The following ADGRL2 variants were observed in gnomAD, a reference collection of about 807,000 sequenced individuals.
The protein encoded by ADGRL2 is calcium-independent alpha-latrotoxin receptor 2.
ADGRL2 carries 44 observed loss-of-function variants against 157.4 expected under a neutral mutation model. The ratio of observed to expected loss-of-function variants is 0.28; its 90% CI spans 0.22 to 0.36. The LOEUF (loss-of-function observed/expected upper bound fraction) is 0.36, where lower values mean the gene tolerates loss of function less well. Among genes scored for constraint, ADGRL2 ranks in the 10% least tolerant of loss-of-function variants. ADGRL2 has a pLI of 1.00. For missense variants in ADGRL2, 1,510 were observed against 1,768.9 expected (o/e 0.85, Z 2.63); for synonymous variants, 585 against 624.7 (o/e 0.94, Z 0.95).
At chr1:81,432,126 A>G (rs2077333001) in intron 1 of ADGRL2, among the ~76,000 whole-genome samples, 1 of 152,240 alleles carries the variant, frequency 6.6e-6, no homozygotes, top group Non-Finnish European at 1.5e-5. Flanking sequence ...CAAGCCACAG[A>G]GATGCTAATC....
At chr1:81,403,582 A>G (rs2076800522) in intron 1 of ADGRL2, among the ~76,000 whole-genome samples, 1 of 151,774 alleles carries the variant, frequency 6.6e-6, no homozygotes, top group Non-Finnish European at 1.5e-5. Context: ...CTTTTTCTTT[A>G]ATGAGTGTAC....
At chr1:81,917,819 A>C (rs1300837142) in intron 3 of ADGRL2, among the ~76,000 whole-genome samples, 2 of 146,692 alleles carry the variant, frequency 1.4e-5, no homozygotes, top group Non-Finnish European at 3.1e-5. Context: ...AATTTGTGGA[A>C]ATCTTACTCT....
At chr1:81,706,397 A>G (rs997585153) in intron 1 of ADGRL2, among the ~76,000 whole-genome samples, 3 of 152,034 alleles carry the variant, frequency 2.0e-5, no homozygotes, top group African/African-American at 4.8e-5. Flanking sequence ...AAAATAGGAA[A>G]CATAGGAGGG....
chr1:81,427,557 A>G (rs2077241410), intron 1 of ADGRL2: 1 of 743,674 alleles, frequency 1.3e-6, no homozygotes, highest in African/African-American at 1.7e-5. Flanking sequence ...CATCCCTATG[A>G]TGGTGGTTAT....
At chr1:81,451,203 G>A (rs1271726005) in intron 2 of ADGRL2, among the ~76,000 whole-genome samples, 1 of 152,000 alleles carries the variant, frequency 6.6e-6, no homozygotes, top group African/African-American at 2.4e-5. Flanking sequence ...CTGAAGTTCT[G>A]ATTTTGCTCA....
At chr1:81,816,534 A>G (rs900562798) in intron 1 of ADGRL2, among the ~76,000 whole-genome samples, 2 of 151,884 alleles carry the variant, frequency 1.3e-5, no homozygotes, top group African/African-American at 4.8e-5. Context: ...CATGCAAACT[A>G]TTTGATCTCC....
rs558747588 is a variant in ADGRL2, at chr1:81,864,408, G to A, written c.73+27351G>A. Among the ~76,000 whole-genome samples, 69 of 152,216 alleles carry A rather than the reference G, an allele frequency of 4.5e-4. 1 individual carries two copies. The South Asian group carries it at 0.013, about 29-fold the overall frequency. On this transcript the variant is annotated intron_variant, in intron 2 of 23. Transcript: ENST00000686636. ...TTCTACAACATTGAAACAGTGTCTA[G>A]AAGAATCCTTTCCCCACCCCCAAAT... is the stretch of plus-strand genomic sequence containing the variant.
chr1:81,318,518 A>C (rs908191321), intron 1 of ADGRL2, among the ~76,000 whole-genome samples: 2 of 152,190 alleles, frequency 1.3e-5, no homozygotes, highest in African/African-American at 4.8e-5. Flanking sequence ...TCATAGACAA[A>C]TGAAATGATA....
chr1:81,527,620 G>C (rs1019717877), intron 2 of ADGRL2, among the ~76,000 whole-genome samples: 1 of 152,124 alleles, frequency 6.6e-6, no homozygotes, highest in African/African-American at 2.4e-5. Context: ...GCTGAGACGG[G>C]AGAATCACTT....
rs565495743 is a variant in ADGRL2, at chr1:81,468,490, C to A, written c.-248+23401C>A. 3.0e-4 allele frequency among the ~76,000 whole-genome samples: 46 copies of A among 152,222 alleles called. 1 individual carries two copies. The South Asian group carries it at 9.5e-3, about 32-fold the overall frequency. On this transcript the variant is annotated intron_variant, in intron 2 of 24. Transcript: ENST00000370721. The stretch of plus-strand genomic sequence containing the variant: ...AGAATTTTTAAATAAAAGTTGATTT[C>A]TTATGGAAAAGAAGTTTTCTGTGAC...
intron 1 of ADGRL2, among the ~76,000 whole-genome samples, chr1:81,417,454 T>A (rs991604938): frequency 6.6e-6 from 1 of 152,184 alleles, no homozygotes; most frequent in African/African-American, 2.4e-5. Context: ...GAGTTTTTCA[T>A]GATTTTAGAG....
chr1:81,617,434 A>G (rs2081683257), intron 3 of ADGRL2, among the ~76,000 whole-genome samples: 1 of 152,194 alleles, frequency 6.6e-6, no homozygotes, highest in Non-Finnish European at 1.5e-5. Context: ...CGACTCTTGG[A>G]AAAATAGCAG....
chr1:81,347,254 A>T (rs1254397144), intron 1 of ADGRL2, among the ~76,000 whole-genome samples: 1 of 152,078 alleles, frequency 6.6e-6, no homozygotes, highest in African/African-American at 2.4e-5. Flanking sequence ...ACAAAAAAAT[A>T]GCCAGGTGTG....
intron 1 of ADGRL2, among the ~76,000 whole-genome samples, chr1:81,708,618 T>C (rs142961117): frequency 1.6e-3 from 233 of 150,168 alleles, no homozygotes; most frequent in African/African-American, 5.4e-3. Context: ...TTACATATAC[T>C]ATTGTTTGCA....
In ADGRL2 at chr1:81,439,028, C is replaced by T. The variant is rs147472531; in HGVS notation, c.-301-6008C>T. On this transcript the variant is annotated intron_variant, in intron 1 of 24. Coordinates refer to the ADGRL2 transcript ENST00000370721. ...CTCAAGGTAGACTTTGCGATAGAAA[C>T]TCCCTTTACCTGCCGTAAAACTCCC... 3.2e-4 allele frequency among the ~76,000 whole-genome samples: 49 copies of T among 152,222 alleles called. 1 individual carries two copies. Among genetic ancestry groups the T allele is most frequent in the African/African-American group, 1.1e-3 (47 of 41,520 alleles).
chr1:81,818,887 A>G (rs1274001424), intron 1 of ADGRL2, among the ~76,000 whole-genome samples: 1 of 152,154 alleles, frequency 6.6e-6, no homozygotes, highest in Non-Finnish European at 1.5e-5. Context: ...TGTAGGCTAT[A>G]TAGTCTTTTC....
intron 2 of ADGRL2, among the ~76,000 whole-genome samples, chr1:81,458,707 G>A (rs1330979068): frequency 6.6e-6 from 1 of 152,218 alleles, no homozygotes; most frequent in Admixed American, 6.5e-5. Context: ...GGTGGATGTG[G>A]TGGCGCCTGA....
chr1:81,517,352 T>A (rs749027887), intron 2 of ADGRL2, among the ~76,000 whole-genome samples: 2 of 151,232 alleles, frequency 1.3e-5, no homozygotes, highest in Non-Finnish European at 2.9e-5. Context: ...ACGCCTGTAG[T>A]CTCAGCTACT....
intron 2 of ADGRL2, among the ~76,000 whole-genome samples, chr1:81,882,332 C>T (rs1378894999): frequency 1.3e-5 from 2 of 151,984 alleles, no homozygotes; most frequent in Admixed American, 6.6e-5. Flanking sequence ...ATTTAAATGT[C>T]CCACATAGTT....
Sources: allele counts gnomAD v4.1 joint callset (sites outside exome capture counted in the v4.1 genomes callset), GRCh38; gene constraint gnomAD v4.1.1; transcripts MANE v1.5; gene names NCBI Gene and HGNC (gene_info 2026-07-23, HGNC 2026-07-21).